Variants in LPP observed in about 807,000 individuals in gnomAD.
The protein encoded by LPP is LIM domain containing preferred translocation partner in lipoma, also known as lipoma-preferred partner.
In LPP, 38 loss-of-function variants were observed where a neutral mutation model predicts 60.4. The ratio of observed to expected loss-of-function variants is 0.63; its 90% CI spans 0.49 to 0.83. The LOEUF is 0.83. Ranked by LOEUF, LPP falls within the 40% of genes least tolerant of loss-of-function variation. LPP has a pLI of 0.00. For synonymous variants in LPP, 328 were observed against 290.8 expected (o/e 1.13, Z -1.30); for missense variants, 902 against 783.6 (o/e 1.15, Z -1.80).
At chr3:188,753,704 C>G (rs569025794) in intron 8 of LPP, among the ~76,000 whole-genome samples, 4 of 151,832 alleles carry the variant, frequency 2.6e-5, no homozygotes, top group Admixed American at 1.3e-4. Context: ...GTCTCCGAAA[C>G]TGTTTTGTGT....
intron 4 of LPP, among the ~76,000 whole-genome samples, chr3:188,448,621 G>A (rs948780463): frequency 3.9e-5 from 6 of 152,104 alleles, no homozygotes; most frequent in East Asian, 3.9e-4. Flanking sequence ...TGCCTAGGAC[G>A]TTCAGTGGGA....
intron 2 of LPP, among the ~76,000 whole-genome samples, chr3:188,284,077 A>G (rs971605683): frequency 2.6e-5 from 4 of 152,040 alleles, no homozygotes; most frequent in Non-Finnish European, 1.5e-5. Context: ...TCTAGGCACA[A>G]TATGGTTTAT....
chr3:188,417,791 G>T (rs537970821), intron 4 of LPP, among the ~76,000 whole-genome samples: 2 of 152,248 alleles, frequency 1.3e-5, no homozygotes, highest in African/African-American at 2.4e-5. Flanking sequence ...AAATGCTAAG[G>T]CAAGAAAGAA....
At chr3:188,209,415 A>G (rs1447460310) in intron 1 of LPP, among the ~76,000 whole-genome samples, 1 of 152,074 alleles carries the variant, frequency 6.6e-6, no homozygotes, top group Non-Finnish European at 1.5e-5. Context: ...AGAAAATAAC[A>G]TTTTTTCTCT....
chr3:188,403,987 A>T (rs1782835835), intron 3 of LPP, among the ~76,000 whole-genome samples: 1 of 152,178 alleles, frequency 6.6e-6, no homozygotes, highest in African/African-American at 2.4e-5. Flanking sequence ...CAGTACCATC[A>T]CTGGCTTCAA....
In LPP at chr3:188,698,835, A is replaced by G. The variant is rs6810330; in HGVS notation, c.1114-9432A>G. ...GCAAGGCATACGTTCACCAAATGGC[A>G]TGAATTTCAAGATTTGTAGCTAAAA... On this transcript the variant is annotated intron_variant, in intron 7 of 11. Transcript: ENST00000617246. 8.2e-3 allele frequency among the ~76,000 whole-genome samples: 1,242 copies of G among 152,360 alleles called. 27 individuals carry two copies. Among genetic ancestry groups the G allele is most frequent in the African/African-American group, 0.029 (1,204 of 41,582 alleles).
intron 3 of LPP, among the ~76,000 whole-genome samples, chr3:188,354,811 G>A (rs112834745): frequency 1.1e-5 from 1 of 94,366 alleles, no homozygotes; most frequent in East Asian, 3.2e-4. Context: ...ACACACACAC[G>A]CGCGTGCGCG....
chr3:188,524,560 T>C, intron 5 of LPP, 105 bp from the exon 6 acceptor site: 1 of 1,151,536 alleles, frequency 8.7e-7, no homozygotes, highest in Non-Finnish European at 1.2e-6. Context: ...AAAAAAGAGG[T>C]GCAGAAAAAC....
At chr3:188,811,032 T>C (rs1750778707) in intron 9 of LPP, among the ~76,000 whole-genome samples, 1 of 152,116 alleles carries the variant, frequency 6.6e-6, no homozygotes, top group African/African-American at 2.4e-5. Context: ...GATGTAGGAA[T>C]GGAATTCATT....
Position 188,719,844 on chromosome 3 carries a change from T to G in LPP, c.1240+11451T>G, listed in dbSNP as rs150010757. ...CATTAGGATTGTCAGAAGGCATAAT[T>G]AATTGACTGTCAGCAAAGCTATTGT... is the stretch of plus-strand genomic sequence containing the variant. On this transcript the variant is annotated intron_variant, in intron 8 of 11. Transcript: ENST00000617246. 2.6e-5 allele frequency among the ~76,000 whole-genome samples: 4 copies of G among 152,342 alleles called. No individual in the cohort carries two copies. In the East Asian group the frequency reaches 7.7e-4, roughly 29 times the overall value.
At chr3:188,566,627 T>C (rs1443715475) in intron 6 of LPP, among the ~76,000 whole-genome samples, 1 of 151,888 alleles carries the variant, frequency 6.6e-6, no homozygotes, top group Non-Finnish European at 1.5e-5. Context: ...CAAAAAGCCA[T>C]GTTCTCTCAC....
chr3:188,261,306 T>G (rs916595975), intron 2 of LPP, among the ~76,000 whole-genome samples: 1 of 152,106 alleles, frequency 6.6e-6, no homozygotes, highest in Non-Finnish European at 1.5e-5. Flanking sequence ...GTGATAATCC[T>G]TGTTAAAGTT....
intron 7 of LPP, among the ~76,000 whole-genome samples, chr3:188,673,293 C>T (rs1475098972): frequency 7.2e-6 from 1 of 139,254 alleles, no homozygotes; most frequent in African/African-American, 2.7e-5. Flanking sequence ...TACATCATCT[C>T]ATGAATGACA....
chr3:188,828,097 T>C (rs1756062355), intron 9 of LPP, among the ~76,000 whole-genome samples: 1 of 152,200 alleles, frequency 6.6e-6, no homozygotes, highest in African/African-American at 2.4e-5. Flanking sequence ...ACTTTAGTTC[T>C]TGAGTGGTCA....
chr3:188,566,918 T>A (rs1832305861), intron 6 of LPP, among the ~76,000 whole-genome samples: 1 of 151,858 alleles, frequency 6.6e-6, no homozygotes, highest in African/African-American at 2.4e-5. Flanking sequence ...ATGAAAGGAT[T>A]TAGAAAACTT....
At chr3:188,735,821 G>A (rs1722308846) in intron 8 of LPP, among the ~76,000 whole-genome samples, 1 of 152,196 alleles carries the variant, frequency 6.6e-6, no homozygotes, top group Admixed American at 6.6e-5. Context: ...ACGGGGCTGG[G>A]CAGCAAAACT....
At chr3:188,820,194 A>C (rs1197336843) in intron 9 of LPP, among the ~76,000 whole-genome samples, 2 of 152,192 alleles carry the variant, frequency 1.3e-5, no homozygotes, top group Non-Finnish European at 2.9e-5. Flanking sequence ...ATGTGCTAAA[A>C]GTCAAAAAAA....
chr3:188,340,430 T>C (rs1399237282), intron 2 of LPP, among the ~76,000 whole-genome samples: 4 of 151,480 alleles, frequency 2.6e-5, no homozygotes, highest in East Asian at 1.9e-4. Flanking sequence ...ACTTTTATTT[T>C]AAGTTCAGGG....
At chr3:188,408,783 A>G (rs1784271241) in intron 4 of LPP, among the ~76,000 whole-genome samples, 1 of 151,466 alleles carries the variant, frequency 6.6e-6, no homozygotes, top group African/African-American at 2.4e-5. Flanking sequence ...AAAGAAATGG[A>G]AGCTTAAAGG....
Sources: gnomAD v4.1 joint callset for allele counts (sites outside exome capture counted in the v4.1 genomes callset) on GRCh38, gnomAD v4.1.1 for gene constraint, MANE v1.5 for transcripts, NCBI Gene and HGNC (gene_info 2026-07-23, HGNC 2026-07-21) for gene names.